The following CEMIP variants were observed in gnomAD, a reference collection of about 807,000 sequenced individuals.
CEMIP encodes cell migration-inducing and hyaluronan-binding protein.
Under a neutral mutation model 156.9 loss-of-function variants are expected in CEMIP, and 105 were observed. That is an observed-to-expected ratio of 0.67 (90% CI 0.57 to 0.79). The LOEUF is 0.79. CEMIP is among the 30% of genes least tolerant of loss of function. The probability of loss-of-function intolerance (pLI) is 0.00; values close to 1 mark genes in which losing one functional copy is unlikely to be tolerated. For missense variants in CEMIP, 1,457 were observed against 1,769.4 expected (o/e 0.82, Z 3.17); for synonymous variants, 676 against 668.4 (o/e 1.01, Z -0.17).
At chr15:80,824,015 A>T (rs1896970555) in intron 1 of CEMIP, among the ~76,000 whole-genome samples, 1 of 151,950 alleles carries the variant, frequency 6.6e-6, no homozygotes, top group South Asian at 2.1e-4. Flanking sequence ...TGGTCAATGC[A>T]CCCCTGAATT....
chr15:80,825,426 C>T (rs1053300056), intron 1 of CEMIP, among the ~76,000 whole-genome samples: 6 of 152,200 alleles, frequency 3.9e-5, no homozygotes, highest in African/African-American at 1.2e-4. Flanking sequence ...AACTTCAAGG[C>T]CCAAGCCCTT....
At chr15:80,848,282 T>C (rs568073730) in intron 1 of CEMIP, among the ~76,000 whole-genome samples, 6 of 152,250 alleles carry the variant, frequency 3.9e-5, no homozygotes, top group African/African-American at 1.4e-4. Flanking sequence ...CTTTTTCCTA[T>C]AGGGAAGCCA....
chr15:80,835,485 GC>G (rs1196906703), intron 1 of CEMIP, among the ~76,000 whole-genome samples: 2 of 152,204 alleles, frequency 1.3e-5, no homozygotes, highest in Non-Finnish European at 2.9e-5. Context: ...ATAGGCAGGG[GC>G]CCCGCATGGC....
intron 28 of CEMIP, among the ~76,000 whole-genome samples, chr15:80,943,305 T>C (rs899490658): frequency 6.6e-6 from 1 of 152,240 alleles, no homozygotes; most frequent in Non-Finnish European, 1.5e-5. Flanking sequence ...CTGCTGTGAA[T>C]GTAGGTCAGG....
At chr15:80,941,314 C>G (rs936196099) in intron 25 of CEMIP, among the ~76,000 whole-genome samples, 1 of 152,142 alleles carries the variant, frequency 6.6e-6, no homozygotes, top group Non-Finnish European at 1.5e-5. Context: ...CCCTGTAACA[C>G]TGGGTCAGCT....
chr15:80,852,500 T>C (rs1897738146), intron 1 of CEMIP, among the ~76,000 whole-genome samples: 2 of 152,214 alleles, frequency 1.3e-5, no homozygotes, highest in Non-Finnish European at 2.9e-5. Context: ...CTTTTAATAG[T>C]TGCGTATCGA....
At chr15:80,824,681 G>A (rs1487204409) in intron 1 of CEMIP, among the ~76,000 whole-genome samples, 3 of 152,214 alleles carry the variant, frequency 2.0e-5, no homozygotes, top group Non-Finnish European at 2.9e-5. Context: ...CAACAGGGTG[G>A]CCGGTTCTTT....
chr15:80,937,258 C>T (rs556685553), intron 24 of CEMIP, among the ~76,000 whole-genome samples: 1 of 152,322 alleles, frequency 6.6e-6, no homozygotes, highest in African/African-American at 2.4e-5. Flanking sequence ...TGTTACCATC[C>T]TACAGAGAGG....
chr15:80,824,015 AC>A (rs1186407248), intron 1 of CEMIP, among the ~76,000 whole-genome samples: 2 of 151,950 alleles, frequency 1.3e-5, no homozygotes, highest in Non-Finnish European at 2.9e-5. Context: ...TGGTCAATGC[AC>A]CCCTGAATTT....
Position 80,929,086 on chromosome 15 carries a change from A to G in CEMIP, c.2524A>G (p.Ser842Gly). 1 of 1,614,200 alleles carries G rather than the reference A, an allele frequency of 6.2e-7. No homozygotes were observed. Reference protein sequence around the residue: ...EIKNSLFVGESGNVGTEMMDN... With the variant: ...EIKNSLFVGEGGNVGTEMMDN... Reference sequence around the variant, plus strand: ...AAAGAACAGCTTGTTTGTTGGCGAGAGTGGCAACGTGGGGACGGAAATGAT... The same window carrying G: ...AAAGAACAGCTTGTTTGTTGGCGAGGGTGGCAACGTGGGGACGGAAATGAT... The change falls in exon 21 of 30, where the codon AGT becomes GGT. Residue 842 changes from serine to glycine, a missense_variant. By Grantham distance (56) the Ser-to-Gly change is moderately conservative (BLOSUM62 0). Coordinates refer to ENST00000394685, the MANE Select transcript of CEMIP (RefSeq NM_001293298.2).
At chr15:80,828,410 G>A (rs1037999249) in intron 1 of CEMIP, among the ~76,000 whole-genome samples, 5 of 151,892 alleles carry the variant, frequency 3.3e-5, no homozygotes, top group East Asian at 1.9e-4. Flanking sequence ...CGAATGCCAC[G>A]CAGCAGTCCC....
intron 12 of CEMIP, among the ~76,000 whole-genome samples, chr15:80,898,582 G>A (rs1455330164): frequency 6.6e-6 from 1 of 152,120 alleles, no homozygotes; most frequent in Non-Finnish European, 1.5e-5. Flanking sequence ...TATTATTATT[G>A]TTATTGCTTT....
chr15:80,923,108 G>A (rs1164237213), intron 17 of CEMIP, among the ~76,000 whole-genome samples: 1 of 152,166 alleles, frequency 6.6e-6, no homozygotes, highest in East Asian at 1.9e-4. Context: ...TTATGCCTAG[G>A]AGATAGGGTG....
At chr15:80,917,140 T>C (rs568642085) in intron 14 of CEMIP, among the ~76,000 whole-genome samples, 10 of 152,342 alleles carry the variant, frequency 6.6e-5, no homozygotes, top group African/African-American at 9.6e-5. Context: ...AATGAGGCTT[T>C]TTCTCTCAGG....
chr15:80,942,471 G>C, intron 27 of CEMIP, 134 bp downstream of exon 27: 1 of 769,998 alleles, frequency 1.3e-6, no homozygotes, highest in East Asian at 2.7e-5. Flanking sequence ...AGGGGGCTTG[G>C]GGCGGGGAAC....
At chr15:80,933,601 T>C in intron 23 of CEMIP, 141 bp downstream of exon 23, 1 of 672,448 alleles carries the variant, frequency 1.5e-6, no homozygotes, top group East Asian at 2.7e-5. Context: ...TCTTTCCTTT[T>C]ATTTTTTCCC....
At chr15:80,824,694 T>G (rs2141662413) in intron 1 of CEMIP, among the ~76,000 whole-genome samples, 1 of 152,320 alleles carries the variant, frequency 6.6e-6, no homozygotes, top group Non-Finnish European at 1.5e-5. Flanking sequence ...GGTTCTTTAA[T>G]ATTGTCTTGA....
intron 14 of CEMIP, among the ~76,000 whole-genome samples, chr15:80,913,511 C>T (rs944865221): frequency 1.7e-5 from 2 of 114,710 alleles, no homozygotes; most frequent in Admixed American, 1.7e-4. Flanking sequence ...TTTTCATCTG[C>T]CAGTATGGCC....
chr15:80,789,883 T>G (rs940210796), intron 1 of CEMIP, among the ~76,000 whole-genome samples: 3 of 152,256 alleles, frequency 2.0e-5, no homozygotes, highest in African/African-American at 7.2e-5. Context: ...AAGATGATAC[T>G]TCCGTTGAAT....
Sources: gnomAD v4.1 joint callset for allele counts (sites outside exome capture counted in the v4.1 genomes callset) on GRCh38, gnomAD v4.1.1 for gene constraint, MANE v1.5 for transcripts, NCBI Gene and HGNC (gene_info 2026-07-23, HGNC 2026-07-21) for gene names.